Variants in NALCN observed in about 807,000 individuals in gnomAD.
NALCN encodes sodium leak channel, non-selective.
A neutral mutation model predicts 225.3 loss-of-function variants in NALCN; 111 were observed. That is an observed-to-expected ratio of 0.49 (90% CI 0.42 to 0.58). NALCN has a LOEUF of 0.58. NALCN is among the 20% of genes least tolerant of loss of function. The pLI, the probability that NALCN is intolerant of heterozygous loss-of-function variation, is 0.00. For synonymous variants in NALCN, 764 were observed against 769.0 expected, an observed-to-expected ratio of 0.99 and a Z score of 0.11; for missense variants, 1,378 against 2,202.4, an observed-to-expected ratio of 0.63 and a Z score of 7.49.
rs533406914 is a variant in NALCN at position 101,375,799 on chromosome 13, T to C, written c.644+901A>G. ...CCCCAATCCCTGCTGCCCTGAAATC[T>C]GGCATAGTCATATCTGTTGCACTTC... On this transcript the variant is annotated intron_variant, in intron 6 of 43. Transcript: ENST00000251127. Among the ~76,000 whole-genome samples the C allele has an allele frequency of 2.6e-5, 4 of 152,264 alleles. No individual in the cohort carries two copies. In the East Asian group the frequency reaches 7.7e-4, roughly 29 times the overall value.
intron 13 of NALCN, among the ~76,000 whole-genome samples, chr13:101,210,179 TC>T (rs1441118119): frequency 6.6e-6 from 1 of 152,104 alleles, no homozygotes; most frequent in East Asian, 1.9e-4. Context: ...CCTCTCTCCT[TC>T]CCCACCCCCA....
chr13:101,151,384 T>G (rs1309315256), intron 15 of NALCN, among the ~76,000 whole-genome samples: 1 of 152,230 alleles, frequency 6.6e-6, no homozygotes, highest in Non-Finnish European at 1.5e-5. Flanking sequence ...TAAATAAAAA[T>G]TTTTGTAATT....
chr13:101,093,736 G>T (rs2034357037), intron 28 of NALCN, among the ~76,000 whole-genome samples: 1 of 152,184 alleles, frequency 6.6e-6, no homozygotes, highest in South Asian at 2.1e-4. Context: ...CCAGCTCCCT[G>T]TCTGAATTCT....
At chr13:101,183,098 A>C (rs537871982) in intron 14 of NALCN, among the ~76,000 whole-genome samples, 41 of 152,320 alleles carry the variant, frequency 2.7e-4, no homozygotes, top group African/African-American at 9.9e-4. Context: ...ACCATTTTTC[A>C]GTTCTCTGAG....
chr13:101,110,018 C>T (rs1171163753), intron 20 of NALCN, among the ~76,000 whole-genome samples: 1 of 152,164 alleles, frequency 6.6e-6, no homozygotes, highest in African/African-American at 2.4e-5. Flanking sequence ...AAAATTTAAG[C>T]TCCAGGAGGG....
rs2046705420 is a variant in NALCN at position 101,376,833 on chromosome 13, A to G, written c.516-5T>C. 2 of 1,612,172 alleles carry G rather than the reference A, an allele frequency of 1.2e-6. No homozygotes were observed. Among genetic ancestry groups the G allele is most frequent in the Admixed American group, 3.4e-5 (2 of 59,426 alleles). On this transcript the variant is annotated splice_region_variant and splice_polypyrimidine_tract_variant and intron_variant, in intron 5 of 43. Transcript: ENST00000251127. ...CATATTTGTTCTCCCGATCGCCTAG[A>G]GAAACAAAAGTAGGTAAAGTACATA...
intron 18 of NALCN, among the ~76,000 whole-genome samples, chr13:101,119,639 G>T (rs1425776253): frequency 6.6e-6 from 1 of 152,156 alleles, no homozygotes; most frequent in Admixed American, 6.5e-5. Context: ...TCTCAACAAA[G>T]GTAGTGATGC....
intron 41 of NALCN, among the ~76,000 whole-genome samples, chr13:101,060,279 T>TTTTTG (rs938231107): frequency 2.2e-5 from 3 of 136,444 alleles, no homozygotes; most frequent in African/African-American, 8.3e-5. Context: ...TTTTCTGTTT[T>TTTTTG]TTTTTTTTTT....
Position 101,104,795 on chromosome 13 carries a change from T to G in NALCN, c.2636+99A>C. The G allele has an allele frequency of 1.9e-6, 3 of 1,554,994 alleles. No individual in the cohort carries two copies. The highest frequency in any genetic ancestry group is 2.7e-6 in the Non-Finnish European group (3 of 1,131,806). The stretch of plus-strand genomic sequence containing the variant: ...CAATCATCTATTTCATAGCACTATA[T>G]AGCAAGAAAATAAAAGAGAATTTTA... On this transcript the variant is annotated intron_variant, in intron 23 of 43. Coordinates refer to ENST00000251127, the MANE Select transcript of NALCN (RefSeq NM_052867.4). This position sits in a 1 kb window ranked among gnomAD's most constrained non-coding sequence, Gnocchi z 4.2.
intron 12 of NALCN, among the ~76,000 whole-genome samples, chr13:101,237,411 C>G (rs1313573709): frequency 6.6e-6 from 1 of 151,920 alleles, no homozygotes; most frequent in Non-Finnish European, 1.5e-5. Context: ...AAAGTTTGTG[C>G]CAACATCTTA....
In NALCN at chr13:101,399,122, A is replaced by T. The variant is rs754615208; in HGVS notation, c.5T>A (p.Leu2His). 6.2e-7 allele frequency: 1 copy of T among 1,613,194 alleles called. No homozygotes were observed. The highest frequency in any genetic ancestry group is 2.2e-5 in the East Asian group (1 of 44,854). Reference protein sequence around the residue: MLKRKQSSRVEA... With the variant: MHKRKQSSRVEA... ...CACCCTGGAACTCTGCTTCCTTTTG[A>T]GCATGCTGAGGTTAGCTTTGGTGAG... Residue 2 changes from leucine to histidine, a missense_variant, in exon 2 of 44, where the codon CTC becomes CAC. Coordinates refer to ENST00000251127, the MANE Select transcript of NALCN (RefSeq NM_052867.4).
chr13:101,404,298 C>T (rs1052084262), intron 1 of NALCN, among the ~76,000 whole-genome samples: 8 of 152,166 alleles, frequency 5.3e-5, no homozygotes, highest in Non-Finnish European at 8.8e-5. Flanking sequence ...TGCAAAAATC[C>T]AGGAGAGCTG....
chr13:101,071,082 A>G (rs963188182), intron 37 of NALCN, among the ~76,000 whole-genome samples: 4 of 152,212 alleles, frequency 2.6e-5, no homozygotes, highest in African/African-American at 7.2e-5. Context: ...AACCACCCCC[A>G]TGATTCAATT....
intron 13 of NALCN, among the ~76,000 whole-genome samples, chr13:101,194,196 C>A (rs150274471): frequency 6.6e-6 from 1 of 151,890 alleles, no homozygotes; most frequent in African/African-American, 2.4e-5. Context: ...GTGAGATAAG[C>A]GATGTGGGCA....
At chr13:101,347,691 G>A (rs2045783750) in intron 6 of NALCN, among the ~76,000 whole-genome samples, 1 of 152,142 alleles carries the variant, frequency 6.6e-6, no homozygotes, top group Non-Finnish European at 1.5e-5. Flanking sequence ...CCATTTACTG[G>A]TTGTGTGACT....
intron 13 of NALCN, among the ~76,000 whole-genome samples, chr13:101,225,427 C>T (rs180950003): frequency 6.6e-6 from 1 of 152,272 alleles, no homozygotes; most frequent in East Asian, 1.9e-4. Context: ...GAGGAGCATC[C>T]AAGTCATTCC....
intron 15 of NALCN, among the ~76,000 whole-genome samples, chr13:101,154,906 A>C (rs1393535680): frequency 6.6e-6 from 1 of 152,230 alleles, no homozygotes; most frequent in African/African-American, 2.4e-5. Flanking sequence ...TAGAAACAAA[A>C]TCACAAAAAG....
intron 1 of NALCN, among the ~76,000 whole-genome samples, chr13:101,411,819 C>T (rs1177434683): frequency 6.6e-6 from 1 of 152,094 alleles, no homozygotes. Flanking sequence ...ACTTCTACCT[C>T]ATTTTTTTTT....
intron 15 of NALCN, among the ~76,000 whole-genome samples, chr13:101,154,488 C>A (rs1389544472): frequency 6.6e-6 from 1 of 152,220 alleles, no homozygotes; most frequent in African/African-American, 2.4e-5. Context: ...TTAGGCACAT[C>A]TTCCTCTGTG....
Sources: allele counts gnomAD v4.1 joint callset (sites outside exome capture counted in the v4.1 genomes callset), GRCh38; gene constraint gnomAD v4.1.1; non-coding constraint Gnocchi (gnomAD v3.1); transcripts MANE v1.5; gene names NCBI Gene and HGNC (gene_info 2026-07-23, HGNC 2026-07-21).